RYR3: variants seen among roughly 807,000 people sequenced by gnomAD.
RYR3 encodes ryanodine receptor 3.
In RYR3, 207 loss-of-function variants were observed where a neutral mutation model predicts 584.3. That is an observed-to-expected ratio of 0.35 (90% confidence interval 0.32 to 0.40). The LOEUF (loss-of-function observed/expected upper bound fraction) is 0.40, where lower values mean the gene tolerates loss of function less well. RYR3 is among the 10% of genes least tolerant of loss of function. The pLI, the probability that RYR3 is intolerant of heterozygous loss-of-function variation, is 1.00. For missense variants in RYR3, 5,616 were observed against 6,089.2 expected (o/e 0.92, Z 2.59); for synonymous variants, 2,416 against 2,248.5 (o/e 1.07, Z -2.11).
chr15:33,488,841 ACT>A (rs371929872), intron 2 of RYR3, among the ~76,000 whole-genome samples: 144 of 152,096 alleles, frequency 9.5e-4, no homozygotes, highest in African/African-American at 3.3e-3. Context: ...ACCGAGCGAG[ACT>A]CTATCTCAAA....
chr15:33,834,857 CT>C, intron 86 of RYR3, 110 bp from the exon 87 acceptor site: 1 of 678,370 alleles, frequency 1.5e-6, no homozygotes. Flanking sequence ...AAATATTTGA[CT>C]TTTGGAAAGT....
rs893746053 is a variant in RYR3, at chr15:33,857,063, A to C, written c.14008-717A>C. Among the ~76,000 whole-genome samples the C allele has an allele frequency of 7.9e-5, 12 of 152,162 alleles. 1 individual carries two copies. The highest frequency in any genetic ancestry group is 2.9e-4 in the African/African-American group (12 of 41,430). On this transcript the variant is annotated intron_variant, in intron 98 of 103. Coordinates refer to ENST00000634891, the MANE Select transcript of RYR3 (RefSeq NM_001036.6). The stretch of plus-strand genomic sequence containing the variant: ...AACAAAACACAATGTATCCCTCCTC[A>C]CAGCACCTGCACTATTCAATACTTA...
intron 18 of RYR3, 136 bp downstream of exon 18, chr15:33,603,500 A>G: frequency 2.1e-6 from 2 of 956,878 alleles, no homozygotes; most frequent in East Asian, 2.4e-5. Flanking sequence ...GGTTAGGTGG[A>G]AAAGAGTATC....
chr15:33,825,721 AT>A, intron 82 of RYR3, 45 bp downstream of exon 82: 1 of 1,039,808 alleles, frequency 9.6e-7, no homozygotes, highest in Non-Finnish European at 1.4e-6. Context: ...CCTGATTAAA[AT>A]CTTTTTTTTT....
chr15:33,681,990 TA>T (rs1483156041), intron 38 of RYR3, among the ~76,000 whole-genome samples: 22 of 152,178 alleles, frequency 1.4e-4, no homozygotes, highest in African/African-American at 5.1e-4. Context: ...GAGGAAGAAA[TA>T]AAAGATTATT....
chr15:33,822,928 G>C, intron 80 of RYR3, 68 bp from the exon 81 acceptor site: 1 of 1,321,020 alleles, frequency 7.6e-7, no homozygotes, highest in Non-Finnish European at 1.1e-6. Flanking sequence ...TCTCCATCAG[G>C]ATTAGGAGGG....
chr15:33,616,916 C>G (rs1191905529), intron 19 of RYR3, among the ~76,000 whole-genome samples: 3 of 152,182 alleles, frequency 2.0e-5, no homozygotes, highest in Non-Finnish European at 4.4e-5. Context: ...AGGACCTGTA[C>G]TGGGGGCTAG....
chr15:33,666,442 G>T (rs2063498256), intron 36 of RYR3, among the ~76,000 whole-genome samples: 1 of 152,202 alleles, frequency 6.6e-6, no homozygotes, highest in Admixed American at 6.5e-5. Flanking sequence ...ATGAGATTCA[G>T]CTGTCCCCCT....
At position 33,778,520 on chromosome 15, in the gene RYR3, C is replaced by T. The variant is rs1052670430; in HGVS notation, c.9138-1691C>T. Among the ~76,000 whole-genome samples the T allele has an allele frequency of 3.9e-5, 6 of 152,360 alleles. No homozygotes were observed. The East Asian group carries it at 1.2e-3, about 29-fold the overall frequency. ...AGTTAAAATGATGCCCCTCTTCCCA[C>T]ACCTGGCCACCACCTGGAACTTAGT... is the stretch of plus-strand genomic sequence containing the variant. On this transcript the variant is annotated intron_variant, in intron 64 of 103. Transcript: ENST00000634891.
In RYR3 at chr15:33,807,549, A is replaced by G; in HGVS notation, c.10012-6A>G. The G allele has an allele frequency of 2.6e-6, 4 of 1,551,812 alleles. No homozygotes were observed. The highest frequency in any genetic ancestry group is 2.7e-5 in the African/African-American group (2 of 73,130). ...CTTGTTTCTTTTCTTTTGTCTTTCC[A>G]CACAGGCCATGCAAGTAAAGGTACA... On this transcript the variant is annotated splice_region_variant and splice_polypyrimidine_tract_variant and intron_variant, in intron 69 of 103. Transcript: ENST00000634891.
chr15:33,747,007 C>T (rs2070791439), intron 53 of RYR3, among the ~76,000 whole-genome samples: 1 of 151,228 alleles, frequency 6.6e-6, no homozygotes, highest in Non-Finnish European at 1.5e-5. Flanking sequence ...GACGGGGTTT[C>T]GCCATGTTGG....
At chr15:33,856,420 G>T (rs1242400706) in intron 98 of RYR3, 1 of 152,274 alleles carries the variant, frequency 6.6e-6, no homozygotes, top group Non-Finnish European at 1.5e-5. Flanking sequence ...TGCAGGTCCT[G>T]TGTACTCCTC....
At chr15:33,393,858 G>A (rs543208258) in intron 1 of RYR3, among the ~76,000 whole-genome samples, 1 of 152,192 alleles carries the variant, frequency 6.6e-6, no homozygotes, top group Non-Finnish European at 1.5e-5. Context: ...CAGCTACTGA[G>A]CAAGGACTGT....
intron 9 of RYR3, 54 bp from the exon 10 acceptor site, chr15:33,550,106 G>A (rs2056564318): frequency 6.4e-7 from 1 of 1,570,920 alleles, no homozygotes; most frequent in Non-Finnish European, 8.7e-7. Flanking sequence ...GATAAATACT[G>A]AAAAGGACTT....
intron 76 of RYR3, among the ~76,000 whole-genome samples, chr15:33,819,091 C>T (rs1464502931): frequency 6.6e-6 from 1 of 152,080 alleles, no homozygotes; most frequent in Non-Finnish European, 1.5e-5. Context: ...CCACTGCACT[C>T]CAGCCTGGGC....
chr15:33,759,092 A>G (rs185110596), intron 60 of RYR3, among the ~76,000 whole-genome samples: 47 of 152,344 alleles, frequency 3.1e-4, no homozygotes, highest in African/African-American at 9.1e-4. Flanking sequence ...AGAAAGCAAT[A>G]GCATCAACAT....
At chr15:33,673,435 T>C (rs1251960712) in intron 38 of RYR3, among the ~76,000 whole-genome samples, 1 of 152,258 alleles carries the variant, frequency 6.6e-6, no homozygotes, top group East Asian at 1.9e-4. Context: ...CCAAGCCATA[T>C]TGTTAATGAA....
In RYR3 at chr15:33,731,694, A is replaced by G; in HGVS notation, c.7424A>G (p.Asn2475Ser). ...TIEECLLAICNHLRPSMLQQL... is the reference protein window; with the variant it reads ...TIEECLLAICSHLRPSMLQQL... ...GAAGAATGTTTGCTTGCCATTTGCAAGTAAGTACATATCCTATGTTGTTAC... is the reference window on the plus strand; with the variant it reads ...GAAGAATGTTTGCTTGCCATTTGCAGGTAAGTACATATCCTATGTTGTTAC... The change falls in exon 48 of 104, where the codon AAT becomes AGT. Residue 2475 changes from asparagine (N) to serine (S), a missense_variant and splice_region_variant. Physicochemically the swap from Asn to Ser is conservative, Grantham distance 46. Around this residue, in one of 9 missense-constraint regions of RYR3, gnomAD observed 1,280 missense variants for 1,426.2 expected, o/e 0.90. Coordinates refer to ENST00000634891, the MANE Select transcript of RYR3 (RefSeq NM_001036.6). 1 of 1,590,556 alleles carries G rather than the reference A, an allele frequency of 6.3e-7. No homozygotes were observed. The highest frequency in any genetic ancestry group is 8.6e-7 in the Non-Finnish European group (1 of 1,159,452).
chr15:33,347,918 A>G (rs1972678421), intron 1 of RYR3, among the ~76,000 whole-genome samples: 2 of 151,026 alleles, frequency 1.3e-5, no homozygotes, highest in East Asian at 1.9e-4. Context: ...ACCAACTTCC[A>G]GGTACTATGT....
Sources: allele counts gnomAD v4.1 joint callset (sites outside exome capture counted in the v4.1 genomes callset), GRCh38; gene constraint gnomAD v4.1.1; regional missense constraint gnomAD v4.1.1; transcripts MANE v1.5; gene names NCBI Gene and HGNC (gene_info 2026-07-23, HGNC 2026-07-21).